Variants in NR1H4 observed in about 807,000 individuals in gnomAD.
The protein encoded by NR1H4 is nuclear receptor subfamily 1 group H member 4.
Under a neutral mutation model 58.5 loss-of-function variants are expected in NR1H4, and 23 were observed. That is an observed-to-expected ratio of 0.39 (90% CI 0.28 to 0.56). The LOEUF is 0.56. Among genes scored for constraint, NR1H4 ranks in the 20% least tolerant of loss-of-function variants. The probability of loss-of-function intolerance (pLI) is 0.58; values close to 1 mark genes in which losing one functional copy is unlikely to be tolerated. For synonymous variants in NR1H4, 214 were observed against 198.0 expected, an observed-to-expected ratio of 1.08 and a Z score of -0.68; for missense variants, 487 against 576.9, an observed-to-expected ratio of 0.84 and a Z score of 1.60.
intron 8 of NR1H4, 50 bp downstream of exon 8, chr12:100,537,097 G>T (rs1954831359): frequency 9.1e-7 from 1 of 1,100,386 alleles, no homozygotes; most frequent in Non-Finnish European, 1.4e-6. Context: ...TTAAATATGT[G>T]CCCACAGATT....
chr12:100,546,366 T>G (rs1363673838), intron 9 of NR1H4, among the ~76,000 whole-genome samples: 1 of 152,126 alleles, frequency 6.6e-6, no homozygotes, highest in Non-Finnish European at 1.5e-5. Flanking sequence ...GCTTGCCACC[T>G]TCCAGTACCC....
chr12:100,497,018 T>A (rs1953730138), intron 3 of NR1H4, among the ~76,000 whole-genome samples: 1 of 151,760 alleles, frequency 6.6e-6, no homozygotes. Flanking sequence ...ATGTGAGACA[T>A]GATGAGGGAG....
intron 9 of NR1H4, among the ~76,000 whole-genome samples, chr12:100,555,670 A>T (rs1247169890): frequency 6.6e-6 from 1 of 152,214 alleles, no homozygotes; most frequent in African/African-American, 2.4e-5. Context: ...TATATATCTC[A>T]TATAACACTA....
intron 4 of NR1H4, among the ~76,000 whole-genome samples, chr12:100,531,070 G>A (rs1954680196): frequency 6.6e-6 from 1 of 152,226 alleles, no homozygotes. Flanking sequence ...TGACCTCAGT[G>A]TAAAAATTGT....
chr12:100,476,798 G>A (rs540731292), intron 1 of NR1H4, among the ~76,000 whole-genome samples: 1 of 152,258 alleles, frequency 6.6e-6, no homozygotes, highest in South Asian at 2.1e-4. Context: ...GAGGTGGAAG[G>A]ATTGCTTGAG....
rs75154603 is a variant in NR1H4 at position 100,512,012 on chromosome 12, C to T, written c.445+869C>T. On this transcript the variant is annotated intron_variant, in intron 4 of 10. Transcript: ENST00000392986. Reference sequence around the variant, plus strand: ...CTTTGGGAGGCTGAGGTGGGTGGATCGCTTGAGTCCAGGAGTTCGAGACTA... The same window carrying T: ...CTTTGGGAGGCTGAGGTGGGTGGATTGCTTGAGTCCAGGAGTTCGAGACTA... Among the ~76,000 whole-genome samples, 12 of 151,406 alleles carry T rather than the reference C, an allele frequency of 7.9e-5. 1 individual carries two copies. The East Asian group carries it at 1.8e-3, about 22-fold the overall frequency.
intron 1 of NR1H4, among the ~76,000 whole-genome samples, chr12:100,487,098 C>T (rs534870162): frequency 5.9e-5 from 9 of 152,100 alleles, no homozygotes; most frequent in Non-Finnish European, 1.3e-4. Flanking sequence ...TTTTAAATTA[C>T]TGCTAATCAG....
rs149166299 is a variant in NR1H4, at chr12:100,535,258, C to G, written c.732+235C>G. ...CTCTGACTCCATTCCAGTCCTACTA[C>G]CTAGTGTTTGCCAGCAGAAATGATT... On this transcript the variant is annotated intron_variant, in intron 6 of 10. Coordinates refer to ENST00000392986, the MANE Select transcript of NR1H4 (RefSeq NM_001206979.2). Among the ~76,000 whole-genome samples, 506 of 152,306 alleles carry G rather than the reference C, an allele frequency of 3.3e-3. 4 individuals carry two copies. Among genetic ancestry groups the G allele is most frequent in the African/African-American group, 0.012 (480 of 41,564 alleles).
chr12:100,561,906 C>T lies in NR1H4; in HGVS notation c.1100C>T (p.Thr367Ile), dbSNP rs562664052. The T allele has an allele frequency of 9.7e-6, 14 of 1,447,156 alleles. No individual in the cohort carries two copies. In the South Asian group the frequency reaches 1.5e-4, roughly 15 times the overall value. 89.6% of individuals were successfully genotyped at this position (1,447,156 alleles called of 1,614,324 possible). The change falls in exon 10 of 11, where the codon ACA (threonine) becomes ATA (isoleucine). Residue 367 changes from threonine to isoleucine, a missense_variant. Thr to Ile is a moderately conservative substitution (Grantham distance 89, BLOSUM62 -1). Transcript: ENST00000392986. ...RNSGISDEYI[T>I]PMFSFYKSIG... Reference sequence around the variant, plus strand: ...ACAGGTATCTCTGATGAATATATAACACCTATGTTTAGTTTTTATAAAAGT... The same window carrying T: ...ACAGGTATCTCTGATGAATATATAATACCTATGTTTAGTTTTTATAAAAGT...
rs112035968 is a variant in NR1H4, at chr12:100,541,351, G to C, written c.1078+533G>C. On this transcript the variant is annotated intron_variant, in intron 9 of 10. Transcript: ENST00000392986. ...GGCTGGAGTGTAGTGGTGTGATCTC[G>C]GCTCACTGCAGCCTCTGTTTCCCAG... Among the ~76,000 whole-genome samples the C allele has an allele frequency of 0.013, 1,949 of 149,472 alleles. 110 individuals carry two copies. In the East Asian group the frequency reaches 0.14, roughly 11 times the overall value.
At chr12:100,483,709 C>A (rs1253319140) in intron 1 of NR1H4, among the ~76,000 whole-genome samples, 1 of 152,064 alleles carries the variant, frequency 6.6e-6, no homozygotes, top group Non-Finnish European at 1.5e-5. Context: ...CCAGGTCAGG[C>A]GCGGTGGCTC....
At chr12:100,540,901 C>T in intron 9 of NR1H4, 83 bp downstream of exon 9, 1 of 1,338,682 alleles carries the variant, frequency 7.5e-7, no homozygotes, top group Non-Finnish European at 1.1e-6. Context: ...TCTTGCCAAT[C>T]TTATGCAATG....
intron 4 of NR1H4, among the ~76,000 whole-genome samples, chr12:100,520,693 A>G (rs1481672510): frequency 6.6e-6 from 1 of 152,222 alleles, no homozygotes; most frequent in African/African-American, 2.4e-5. Flanking sequence ...CTGCCACAGC[A>G]AAACTCCACA....
At chr12:100,553,702 C>G (rs755018340) in intron 9 of NR1H4, among the ~76,000 whole-genome samples, 2 of 152,164 alleles carry the variant, frequency 1.3e-5, no homozygotes, top group Non-Finnish European at 2.9e-5. Flanking sequence ...CAGAACCCAC[C>G]ATCGGAAACA....
At chr12:100,528,099 T>C (rs1182945576) in intron 4 of NR1H4, among the ~76,000 whole-genome samples, 1 of 152,224 alleles carries the variant, frequency 6.6e-6, no homozygotes, top group African/African-American at 2.4e-5. Context: ...TGTAGACCCT[T>C]AAAGTTTTAC....
chr12:100,475,851 T>C (rs1953257850), intron 1 of NR1H4, among the ~76,000 whole-genome samples: 1 of 152,154 alleles, frequency 6.6e-6, no homozygotes, highest in Admixed American at 6.6e-5. Context: ...TTCTCCTGCC[T>C]CAGCCTCCTG....
At chr12:100,519,512 G>C (rs1192769019) in intron 4 of NR1H4, among the ~76,000 whole-genome samples, 4 of 152,142 alleles carry the variant, frequency 2.6e-5, no homozygotes, top group Non-Finnish European at 5.9e-5. Flanking sequence ...CTTCCATCAC[G>C]TCTGGCCCTG....
rs141651301 is a variant in NR1H4, at chr12:100,498,365, G to C, written c.79+4963G>C. On this transcript the variant is annotated intron_variant, in intron 3 of 10. Transcript: ENST00000392986. ...CAACAATACGTAAATAAGGCTGGGC[G>C]CGGGGGCTCATGCCTGTAATCCCAG... 1.1e-3 allele frequency among the ~76,000 whole-genome samples: 172 copies of C among 152,290 alleles called. 1 individual carries two copies. The highest frequency in any genetic ancestry group is 3.8e-3 in the African/African-American group (160 of 41,580).
rs552515704 is a variant in NR1H4 at position 100,479,763 on chromosome 12, C to G, written c.-190+5704C>G. Reference sequence around the variant, plus strand: ...CTCTCAGACCTCATTTCCTATAGCCCCTCCTTGGCTCACTCATTTCCAGCC... The same window carrying G: ...CTCTCAGACCTCATTTCCTATAGCCGCTCCTTGGCTCACTCATTTCCAGCC... On this transcript the variant is annotated intron_variant, in intron 1 of 10. Coordinates refer to ENST00000392986, the MANE Select transcript of NR1H4 (RefSeq NM_001206979.2). Among the ~76,000 whole-genome samples, 5 of 152,346 alleles carry G rather than the reference C, an allele frequency of 3.3e-5. 1 individual carries two copies. The highest frequency in any genetic ancestry group is 1.2e-4 in the African/African-American group (5 of 41,580).
Sources: allele counts gnomAD v4.1 joint callset (sites outside exome capture counted in the v4.1 genomes callset), GRCh38; gene constraint gnomAD v4.1.1; transcripts MANE v1.5; gene names NCBI Gene and HGNC (gene_info 2026-07-23, HGNC 2026-07-21).